Variants in AKAP19 observed in about 807,000 individuals in gnomAD.
AKAP19 encodes small A-kinase anchoring protein.
At chr2:189,991,215 A>G in the AKAP19 span, among the ~76,000 whole-genome samples, 1 of 152,220 alleles carries the variant, frequency 6.6e-6, no homozygotes, top group African/African-American at 2.4e-5. Context: ...GATACCTAGT[A>G]GTGGAATTGC....
the AKAP19 span, among the ~76,000 whole-genome samples, chr2:189,943,549 G>A: frequency 9.9e-5 from 15 of 152,206 alleles, no homozygotes; most frequent in Admixed American, 2.6e-4. Flanking sequence ...CCCCCACACA[G>A]AGTCCCCAAT....
the AKAP19 span, among the ~76,000 whole-genome samples, chr2:190,065,335 A>T: frequency 6.6e-6 from 1 of 152,146 alleles, no homozygotes; most frequent in Non-Finnish European, 1.5e-5. Flanking sequence ...ACAGAGTTTC[A>T]GTCTGGGAAG....
At chr2:189,955,779 C>T in the AKAP19 span, among the ~76,000 whole-genome samples, 6 of 152,068 alleles carry the variant, frequency 3.9e-5, no homozygotes, top group East Asian at 9.6e-4. Context: ...ACCATAAACA[C>T]CATCATGTGA....
chr2:190,103,862 C>A, the AKAP19 span, among the ~76,000 whole-genome samples: 1 of 151,998 alleles, frequency 6.6e-6, no homozygotes, highest in Non-Finnish European at 1.5e-5. Flanking sequence ...AGAAAAGTGC[C>A]CAAATAGCCA....
chr2:189,920,929 C>T, the AKAP19 span, among the ~76,000 whole-genome samples: 1 of 152,048 alleles, frequency 6.6e-6, no homozygotes, highest in African/African-American at 2.4e-5. Context: ...TTATTCTGGC[C>T]CCTTCTGTTG....
chr2:190,158,477 A>C, the AKAP19 span, among the ~76,000 whole-genome samples: 2 of 152,256 alleles, frequency 1.3e-5, no homozygotes, highest in Non-Finnish European at 2.9e-5. Flanking sequence ...ATTGAATAGG[A>C]AATGGTAAGA....
chr2:190,091,485 A>G, the AKAP19 span, among the ~76,000 whole-genome samples: 4 of 151,970 alleles, frequency 2.6e-5, 1 homozygote, highest in African/African-American at 9.6e-5. Context: ...ACTGTTTCCT[A>G]TGTTTCTTAA....
At chr2:190,057,840 A>G in the AKAP19 span, among the ~76,000 whole-genome samples, 4 of 152,120 alleles carry the variant, frequency 2.6e-5, no homozygotes, top group African/African-American at 7.2e-5. Flanking sequence ...TAACAGCAAT[A>G]CAAATTCCCC....
chr2:190,115,099 A>G, the AKAP19 span, among the ~76,000 whole-genome samples: 1 of 146,686 alleles, frequency 6.8e-6, no homozygotes, highest in East Asian at 2.0e-4. Context: ...GCTTTGGCTT[A>G]TGGGGGGCAG....
At chr2:190,196,849 T>C in the AKAP19 span, among the ~76,000 whole-genome samples, 2 of 152,206 alleles carry the variant, frequency 1.3e-5, no homozygotes, top group African/African-American at 4.8e-5. Context: ...AGACCCTATG[T>C]GTCTTAGTCC....
At chr2:190,069,080 A>G in the AKAP19 span, among the ~76,000 whole-genome samples, 4 of 151,546 alleles carry the variant, frequency 2.6e-5, no homozygotes, top group Non-Finnish European at 5.9e-5. Flanking sequence ...AATGAGTCTC[A>G]AAGGTAGCCA....
At chr2:190,044,605 T>TG in the AKAP19 span, among the ~76,000 whole-genome samples, 4 of 151,846 alleles carry the variant, frequency 2.6e-5, no homozygotes, top group South Asian at 2.1e-4. Flanking sequence ...ATAGCTCTGG[T>TG]GGGGGGTGAC....
At chr2:190,129,341 A>G in the AKAP19 span, among the ~76,000 whole-genome samples, 1 of 152,218 alleles carries the variant, frequency 6.6e-6, no homozygotes, top group South Asian at 2.1e-4. Flanking sequence ...ATTTATTCAC[A>G]GACAAAATAT....
chr2:189,946,184 T>A, the AKAP19 span, among the ~76,000 whole-genome samples: 1 of 152,230 alleles, frequency 6.6e-6, no homozygotes, highest in African/African-American at 2.4e-5. Flanking sequence ...GAATCCTTGA[T>A]TGTATGAATT....
At chr2:190,082,735 G>A in the AKAP19 span, among the ~76,000 whole-genome samples, 1 of 152,130 alleles carries the variant, frequency 6.6e-6, no homozygotes, top group Admixed American at 6.6e-5. Flanking sequence ...GGAAGCTAAG[G>A]CACAGAACGT....
the AKAP19 span, among the ~76,000 whole-genome samples, chr2:190,011,699 A>C: frequency 1.3e-5 from 2 of 152,222 alleles, no homozygotes; most frequent in African/African-American, 2.4e-5. Flanking sequence ...TCCTTTTCCC[A>C]TTATGTATTC....
the AKAP19 span, among the ~76,000 whole-genome samples, chr2:190,072,687 T>C: frequency 1.3e-5 from 2 of 152,114 alleles, no homozygotes; most frequent in African/African-American, 4.8e-5. Context: ...TAAACAAAAA[T>C]GAATAGTCAA....
At chr2:190,086,908 C>T in the AKAP19 span, among the ~76,000 whole-genome samples, 1 of 152,164 alleles carries the variant, frequency 6.6e-6, no homozygotes, top group Non-Finnish European at 1.5e-5. Flanking sequence ...TTGAAGACCT[C>T]AAAGTGGCTG....
the AKAP19 span, among the ~76,000 whole-genome samples, chr2:189,986,971 G>A: frequency 6.6e-6 from 1 of 152,086 alleles, no homozygotes; most frequent in Admixed American, 6.6e-5. Flanking sequence ...TCAGGAAAAA[G>A]GCAGGCTTAG....
Sources: allele counts gnomAD v4.1 joint callset (sites outside exome capture counted in the v4.1 genomes callset), GRCh38; gene constraint gnomAD v4.1.1; transcripts MANE v1.5; gene names NCBI Gene and HGNC (gene_info 2026-07-23, HGNC 2026-07-21).